Variants in ADAM18 observed in about 807,000 individuals in gnomAD.
The protein encoded by ADAM18 is disintegrin and metalloproteinase domain-containing protein 18.
Under a neutral mutation model 94.4 loss-of-function variants are expected in ADAM18, and 117 were observed. That is an observed-to-expected ratio of 1.24 (90% CI 1.07 to 1.45). ADAM18 has a LOEUF of 1.45. Ranked by LOEUF, ADAM18 falls within the 40% of genes most tolerant of loss-of-function variation. The pLI is 0.00. For synonymous variants in ADAM18, 327 were observed against 291.6 expected (o/e 1.12, Z -1.24); for missense variants, 936 against 880.0 (o/e 1.06, Z -0.81).
chr8:39,606,417 T>C, intron 3 of ADAM18, 55 bp downstream of exon 3: 1 of 1,201,658 alleles, frequency 8.3e-7, no homozygotes, highest in Non-Finnish European at 1.2e-6. Context: ...AGTTTAGATT[T>C]TACAGCCTTA....
intron 10 of ADAM18, among the ~76,000 whole-genome samples, chr8:39,643,638 G>A (rs377700469): frequency 1.3e-5 from 2 of 151,934 alleles, no homozygotes; most frequent in African/African-American, 2.4e-5. Context: ...TGAGGGCTGC[G>A]AACGACAATC....
chr8:39,638,693 T>C (rs1307560221), intron 10 of ADAM18, 147 bp downstream of exon 10: 5 of 424,814 alleles, frequency 1.2e-5, no homozygotes, highest in Non-Finnish European at 2.1e-5. Flanking sequence ...GGGACAAAAT[T>C]AATAGAATCT....
At chr8:39,707,415 A>G (rs1822269889) in intron 18 of ADAM18, among the ~76,000 whole-genome samples, 1 of 152,198 alleles carries the variant, frequency 6.6e-6, no homozygotes, top group African/African-American at 2.4e-5. Context: ...TTCTGGTGCA[A>G]CACGTTGCTG....
intron 6 of ADAM18, among the ~76,000 whole-genome samples, chr8:39,612,148 G>A (rs546280760): frequency 7.9e-5 from 12 of 151,854 alleles, no homozygotes; most frequent in South Asian, 4.2e-4. Flanking sequence ...AAAAAAGGGA[G>A]GGAGGAGAGC....
intron 17 of ADAM18, among the ~76,000 whole-genome samples, chr8:39,701,136 AAAAAAAAAAAAAAT>A (rs1822064246): frequency 6.8e-6 from 1 of 147,378 alleles, no homozygotes; most frequent in South Asian, 2.1e-4. Flanking sequence ...AAAAAAAAAA[AAAAAAAAAAAAAAT>A]TTATTGTAAT....
chr8:39,730,058 C>T lies in ADAM18; in HGVS notation c.*118C>T. On this transcript the variant is annotated 3_prime_UTR_variant, in exon 20 of 20. Transcript: ENST00000265707. ...ACTTTTGGAAAATAAAGCCTGCGTG[C>T]CCTCCCATGTGCCTCCTCCAGTGCC... 1.0e-6 allele frequency: 1 copy of T among 983,898 alleles called. No individual in the cohort carries two copies. Among genetic ancestry groups the T allele is most frequent in the South Asian group, 1.4e-5 (1 of 70,096 alleles). 60.9% of individuals were successfully genotyped at this position (983,898 alleles called of 1,614,324 possible).
At chr8:39,645,103 G>A (rs1175415762) in intron 10 of ADAM18, among the ~76,000 whole-genome samples, 1 of 152,098 alleles carries the variant, frequency 6.6e-6, no homozygotes, top group Non-Finnish European at 1.5e-5. Flanking sequence ...CAAAGCTATA[G>A]AATTTTGGCG....
rs569866520 is a variant in ADAM18 at position 39,588,238 on chromosome 8, T to G, written c.132+2886T>G. ...TGTTTGTGGGTGTGGGTTTTTTTTT[T>G]TTTTTTTAACAAAACCCATTATAAT... is the stretch of plus-strand genomic sequence containing the variant. On this transcript the variant is annotated intron_variant, in intron 2 of 19. Transcript: ENST00000265707. Among the ~76,000 whole-genome samples the G allele has an allele frequency of 2.6e-5, 4 of 152,094 alleles. No homozygotes were observed. The South Asian group carries it at 6.2e-4, about 24-fold the overall frequency.
intron 17 of ADAM18, among the ~76,000 whole-genome samples, chr8:39,695,093 G>A (rs1437377547): frequency 6.6e-6 from 1 of 151,350 alleles, no homozygotes; most frequent in East Asian, 1.9e-4. Flanking sequence ...ATATTCCACT[G>A]TACAGATGTA....
At chr8:39,605,942 G>A (rs1464712288) in intron 2 of ADAM18, among the ~76,000 whole-genome samples, 1 of 152,062 alleles carries the variant, frequency 6.6e-6, no homozygotes, top group Non-Finnish European at 1.5e-5. Flanking sequence ...ACTTATGAGT[G>A]AGAACATGTG....
chr8:39,656,392 T>C (rs1023315327), intron 12 of ADAM18, among the ~76,000 whole-genome samples: 1 of 152,080 alleles, frequency 6.6e-6, no homozygotes, highest in Non-Finnish European at 1.5e-5. Flanking sequence ...GTAGAAAGGA[T>C]GCCTTTACAA....
At chr8:39,724,184 G>A (rs1207304923) in intron 19 of ADAM18, among the ~76,000 whole-genome samples, 4 of 151,584 alleles carry the variant, frequency 2.6e-5, no homozygotes, top group Non-Finnish European at 4.4e-5. Context: ...TATTTTAAGT[G>A]CCCTTCTAGT....
chr8:39,642,585 G>T (rs1427972024), intron 10 of ADAM18, among the ~76,000 whole-genome samples: 1 of 151,814 alleles, frequency 6.6e-6, no homozygotes, highest in Admixed American at 6.6e-5. Context: ...TATTATTTCT[G>T]GGATCTCTAT....
intron 7 of ADAM18, among the ~76,000 whole-genome samples, chr8:39,629,986 G>T (rs1819888127): frequency 1.3e-5 from 2 of 151,610 alleles, no homozygotes; most frequent in Admixed American, 1.3e-4. Flanking sequence ...TGGTCACATT[G>T]TTTTATTGAA....
At chr8:39,662,923 C>T (rs906603837) in intron 12 of ADAM18, among the ~76,000 whole-genome samples, 8 of 152,156 alleles carry the variant, frequency 5.3e-5, no homozygotes, top group African/African-American at 1.9e-4. Context: ...CTGCACCCAG[C>T]CCCTATTTGA....
chr8:39,595,726 G>A (rs1202837130), intron 2 of ADAM18, among the ~76,000 whole-genome samples: 4 of 152,046 alleles, frequency 2.6e-5, no homozygotes, highest in Non-Finnish European at 2.9e-5. Context: ...GTTTCACCAT[G>A]TTGGCCAGGC....
intron 12 of ADAM18, among the ~76,000 whole-genome samples, chr8:39,657,130 C>A (rs894092760): frequency 1.3e-5 from 2 of 152,058 alleles, no homozygotes; most frequent in African/African-American, 4.8e-5. Flanking sequence ...GTGCTATAAT[C>A]ATAAAATAAA....
At chr8:39,707,825 A>G (rs1822283734) in intron 18 of ADAM18, among the ~76,000 whole-genome samples, 2 of 152,260 alleles carry the variant, frequency 1.3e-5, no homozygotes, top group African/African-American at 4.8e-5. Context: ...TATTTTCCTT[A>G]TGAAGTCAAG....
At chr8:39,644,574 CA>C (rs1820324923) in intron 10 of ADAM18, among the ~76,000 whole-genome samples, 1 of 152,164 alleles carries the variant, frequency 6.6e-6, no homozygotes, top group African/African-American at 2.4e-5. Context: ...AGGCCTAAGC[CA>C]CTGCACCTGG....
Sources: allele counts gnomAD v4.1 joint callset (sites outside exome capture counted in the v4.1 genomes callset), GRCh38; gene constraint gnomAD v4.1.1; transcripts MANE v1.5; gene names NCBI Gene and HGNC (gene_info 2026-07-23, HGNC 2026-07-21).